The following DENND1A variants were observed in gnomAD, a reference collection of about 807,000 sequenced individuals.
DENND1A encodes the protein DENN domain containing 1A, also known as DENN domain-containing protein 1A.
DENND1A carries 51 observed loss-of-function variants against 113.7 expected under a neutral mutation model. That is an observed-to-expected ratio of 0.45 (90% CI 0.36 to 0.57). DENND1A has a LOEUF of 0.57. DENND1A is among the 20% of genes least tolerant of loss of function. The probability of loss-of-function intolerance (pLI) is 0.00; values close to 1 mark genes in which losing one functional copy is unlikely to be tolerated. For missense variants in DENND1A, 1,258 were observed against 1,395.9 expected, an observed-to-expected ratio of 0.90 and a Z score of 1.57; for synonymous variants, 565 against 570.8, an observed-to-expected ratio of 0.99 and a Z score of 0.14.
intron 1 of DENND1A, among the ~76,000 whole-genome samples, chr9:123,921,160 C>A (rs1856182699): frequency 1.3e-5 from 2 of 152,146 alleles, no homozygotes; most frequent in Middle Eastern, 3.4e-3. Context: ...TTTTTAACTC[C>A]AGGTTGTTCA....
chr9:123,468,807 G>A (rs987557850), intron 13 of DENND1A, among the ~76,000 whole-genome samples: 2 of 152,256 alleles, frequency 1.3e-5, no homozygotes, highest in Non-Finnish European at 2.9e-5. Context: ...AGACACTGGC[G>A]TGAGTGTGAG....
At chr9:123,623,665 G>GAACCT (rs1168313545) in intron 10 of DENND1A, among the ~76,000 whole-genome samples, 1 of 152,218 alleles carries the variant, frequency 6.6e-6, no homozygotes, top group African/African-American at 2.4e-5. Flanking sequence ...TAACTCAGAT[G>GAACCT]ATTGTATGTC....
Position 123,382,330 on chromosome 9 carries a change from C to A in DENND1A, c.2315G>T (p.Gly772Val), listed in dbSNP as rs1179885730. The A allele has an allele frequency of 3.1e-6, 5 of 1,608,572 alleles. No individual in the cohort carries two copies. The highest frequency in any genetic ancestry group is 3.4e-6 in the Non-Finnish European group (4 of 1,178,114). ...GGGAATGGGCGGTGGAGGCACGATG[C>A]CCAGCTCTGGGGTCTTCCTGCCTTG... Reference protein sequence around the residue: ...RPQGRKTPELGIVPPPPIPRP... With the variant: ...RPQGRKTPELVIVPPPPIPRP... The change falls in exon 24 of 24, where the codon GGC becomes GTC. Residue 772 changes from glycine to valine, a missense_variant. Transcript: ENST00000394215.
At chr9:123,501,289 CTGTG>C (rs2052459589) in intron 13 of DENND1A, among the ~76,000 whole-genome samples, 2 of 152,182 alleles carry the variant, frequency 1.3e-5, no homozygotes, top group Admixed American at 6.5e-5. Flanking sequence ...CTTTTTAAGG[CTGTG>C]TAATATTCCA....
rs114299326 is a variant in DENND1A at position 123,648,256 on chromosome 9, T to C, written c.618+3757A>G. 3.0e-3 allele frequency among the ~76,000 whole-genome samples: 458 copies of C among 152,310 alleles called. 3 individuals are homozygous for C. The highest frequency in any genetic ancestry group is 0.011 in the African/African-American group (442 of 41,556). On this transcript the variant is annotated intron_variant, in intron 9 of 23. Transcript: ENST00000394215. The stretch of plus-strand genomic sequence containing the variant: ...TACCACGCTCATTTTTAATTTTCTT[T>C]GTAGAGACAGGGCTCTCACTGTGTT...
rs933164296 is a variant in DENND1A at position 123,910,566 on chromosome 9, T to C, written c.17+19323A>G. ...TTCATGGTCTTTGGTTAGGCAAATA[T>C]TTCTTAAACAGAACACATCAAAAAG... On this transcript the variant is annotated intron_variant, in intron 1 of 23. Coordinates refer to ENST00000394215, the MANE Select transcript of DENND1A (RefSeq NM_001352964.2). Among the ~76,000 whole-genome samples, 3 of 152,318 alleles carry C rather than the reference T, an allele frequency of 2.0e-5. No homozygotes were observed. In the East Asian group the frequency reaches 5.8e-4, roughly 29 times the overall value.
intron 13 of DENND1A, among the ~76,000 whole-genome samples, chr9:123,541,881 G>T (rs956629911): frequency 1.3e-5 from 2 of 152,172 alleles, no homozygotes; most frequent in African/African-American, 4.8e-5. Flanking sequence ...AGGGAGGAGG[G>T]AGGGCTTCCC....
chr9:123,479,615 G>A (rs2050176357), intron 13 of DENND1A, among the ~76,000 whole-genome samples: 4 of 152,314 alleles, frequency 2.6e-5, no homozygotes, highest in East Asian at 1.9e-4. Flanking sequence ...ACTGAAACAC[G>A]TAGGGACTGG....
At chr9:123,384,258 G>A (rs1156544101) in intron 22 of DENND1A, among the ~76,000 whole-genome samples, 3 of 152,226 alleles carry the variant, frequency 2.0e-5, no homozygotes, top group East Asian at 3.8e-4. Context: ...GGACTGGAAG[G>A]GGGCTCACAG....
chr9:123,420,579 C>T (rs2045195003), intron 19 of DENND1A, among the ~76,000 whole-genome samples: 1 of 152,216 alleles, frequency 6.6e-6, no homozygotes, highest in Non-Finnish European at 1.5e-5. Context: ...TCCGGGCACT[C>T]TCTTTGCCGT....
chr9:123,850,297 C>T (rs1042988501), intron 2 of DENND1A, among the ~76,000 whole-genome samples: 1 of 152,208 alleles, frequency 6.6e-6, no homozygotes, highest in Non-Finnish European at 1.5e-5. Context: ...ACCATCCTGA[C>T]CAGCCGGTAG....
chr9:123,449,570 T>C (rs1203669671), intron 18 of DENND1A, among the ~76,000 whole-genome samples: 1 of 150,130 alleles, frequency 6.7e-6, no homozygotes, highest in Non-Finnish European at 1.5e-5. Flanking sequence ...ATAATTATGA[T>C]GTAATTATGA....
At chr9:123,454,709 CA>C (rs760747746) in intron 16 of DENND1A, 29 bp downstream of exon 16, 4 of 1,552,120 alleles carry the variant, frequency 2.6e-6, no homozygotes, top group Admixed American at 3.9e-5. Context: ...GGAGGGAGTC[CA>C]GGGGGCTCTG....
intron 5 of DENND1A, among the ~76,000 whole-genome samples, chr9:123,746,104 G>A (rs904556700): frequency 1.3e-5 from 2 of 152,116 alleles, no homozygotes; most frequent in Non-Finnish European, 2.9e-5. Flanking sequence ...GTATATTTAT[G>A]TTTACTTATG....
At chr9:123,719,229 C>T (rs187323868) in intron 5 of DENND1A, among the ~76,000 whole-genome samples, 84 of 152,296 alleles carry the variant, frequency 5.5e-4, no homozygotes, top group African/African-American at 1.4e-3. Flanking sequence ...CCCAAGTTTT[C>T]GTAGCCCTGT....
intron 13 of DENND1A, among the ~76,000 whole-genome samples, chr9:123,511,367 GCA>G (rs1329157186): frequency 5.3e-5 from 8 of 152,354 alleles, no homozygotes; most frequent in African/African-American, 1.9e-4. Context: ...GCCATGTCAG[GCA>G]CAGAGTCAGT....
chr9:123,897,288 T>G (rs983777565), intron 1 of DENND1A, among the ~76,000 whole-genome samples: 1 of 152,194 alleles, frequency 6.6e-6, no homozygotes, highest in Non-Finnish European at 1.5e-5. Context: ...TCACTCAGCA[T>G]AGACTCAAGG....
At chr9:123,692,093 C>A (rs941949149) in intron 5 of DENND1A, among the ~76,000 whole-genome samples, 1 of 152,176 alleles carries the variant, frequency 6.6e-6, no homozygotes, top group African/African-American at 2.4e-5. Flanking sequence ...GCTGTTCCTT[C>A]GTCTCTCCAA....
chr9:123,438,173 G>A (rs1588527648), intron 19 of DENND1A, among the ~76,000 whole-genome samples: 1 of 152,236 alleles, frequency 6.6e-6, no homozygotes, highest in African/African-American at 2.4e-5. Context: ...TCTAGAAACC[G>A]TACTTCTTAC....
Sources: gnomAD v4.1 joint callset for allele counts (sites outside exome capture counted in the v4.1 genomes callset) on GRCh38, gnomAD v4.1.1 for gene constraint, MANE v1.5 for transcripts, NCBI Gene and HGNC (gene_info 2026-07-23, HGNC 2026-07-21) for gene names.